The following CLPTM1L variants were observed in gnomAD, a reference collection of about 807,000 sequenced individuals.
CLPTM1L encodes CLPTM1 like, also known as lipid scramblase CLPTM1L.
CLPTM1L carries 38 observed loss-of-function variants against 70.9 expected under a neutral mutation model. The observed-to-expected ratio is 0.54, with a 90% CI of 0.41 to 0.70. The LOEUF (loss-of-function observed/expected upper bound fraction) is 0.70, where lower values mean the gene tolerates loss of function less well. CLPTM1L is among the 30% of genes least tolerant of loss of function. The pLI is 0.00. For synonymous variants in CLPTM1L, 339 were observed against 299.9 expected, an observed-to-expected ratio of 1.13 and a Z score of -1.35; for missense variants, 652 against 705.9, an observed-to-expected ratio of 0.92 and a Z score of 0.87.
chr5:1,335,094 G>A lies in CLPTM1L; in HGVS notation c.759C>T (p.Ile253=), dbSNP rs763163114. 8.7e-6 allele frequency: 14 copies of A among 1,613,468 alleles called. No individual in the cohort carries two copies. The highest frequency in any genetic ancestry group is 1.2e-5 in the Non-Finnish European group (14 of 1,180,028). Reference sequence around the variant, plus strand: ...GGGAGTACACGGCGTCCTGCATGTGGATCCAGAAGCGCAGCCGCCCCAGTG... The same window carrying A: ...GGGAGTACACGGCGTCCTGCATGTGAATCCAGAAGCGCAGCCGCCCCAGTG... ...KVSLGRLRFW[I]HMQDAVYSLQ... The change falls in exon 6 of 17, where the codon ATC becomes ATT. Residue 253 remains isoleucine (I), a synonymous_variant. Coordinates refer to ENST00000320895, the MANE Select transcript of CLPTM1L (RefSeq NM_030782.5).
intron 16 of CLPTM1L, among the ~76,000 whole-genome samples, chr5:1,319,816 C>T (rs1050262936): frequency 1.3e-5 from 2 of 152,168 alleles, no homozygotes; most frequent in African/African-American, 4.8e-5. Context: ...ACTCCTTCGA[C>T]CCCTGGACAA....
rs530575151 is a variant in CLPTM1L at position 1,330,149 on chromosome 5, G to C, written c.1080+131C>G. On this transcript the variant is annotated intron_variant, in intron 9 of 16. Coordinates refer to ENST00000320895, the MANE Select transcript of CLPTM1L (RefSeq NM_030782.5). ...ACTGCCTGCCATCCTACAGCTTCCA[G>C]AACACTGAGGCCATCGGGAACAAGC... 6.0e-4 allele frequency: 448 copies of C among 746,680 alleles called. 2 individuals are homozygous for C. The highest frequency in any genetic ancestry group is 7.0e-5 in the Non-Finnish European group (30 of 428,786). 46.3% of individuals were successfully genotyped at this position (746,680 alleles called of 1,614,324 possible). A position where few individuals can be genotyped will look rare whatever the true frequency, so the allele number is the denominator to read the frequency against.
intron 12 of CLPTM1L, 150 bp downstream of exon 12, chr5:1,323,637 T>C: frequency 3.1e-6 from 2 of 647,336 alleles, no homozygotes; most frequent in Admixed American, 4.6e-5. Context: ...GCCCACCGTG[T>C]GCAGCTGCAG....
intron 9 of CLPTM1L, among the ~76,000 whole-genome samples, chr5:1,326,731 G>C (rs1462099116): frequency 0.1 from 7,506 of 71,908 alleles, 1 homozygote; most frequent in African/African-American, 0.21. Flanking sequence ...CCTCTACGGG[G>C]ACATTTCATC....
chr5:1,333,883 T>C (rs1753367245), intron 7 of CLPTM1L, among the ~76,000 whole-genome samples: 1 of 152,098 alleles, frequency 6.6e-6, no homozygotes, highest in Non-Finnish European at 1.5e-5. Flanking sequence ...ACAAGAGAAC[T>C]ACTTTCTGCT....
intron 2 of CLPTM1L, among the ~76,000 whole-genome samples, chr5:1,343,576 G>T (rs1351591973): frequency 6.6e-6 from 1 of 152,210 alleles, no homozygotes; most frequent in Non-Finnish European, 1.5e-5. Context: ...CGGGCAGCTT[G>T]GTCACCAGCA....
rs778311245 is a variant in CLPTM1L at position 1,338,927 on chromosome 5, C to T, written c.532G>A (p.Val178Met). 8.7e-6 allele frequency: 14 copies of T among 1,613,370 alleles called. No individual in the cohort carries two copies. Among genetic ancestry groups the T allele is most frequent in the Admixed American group, 5.0e-5 (3 of 60,034 alleles). The change falls in exon 4 of 17, where the codon GTG (valine) becomes ATG (methionine). Residue 178 changes from valine (V) to methionine (M), a missense_variant. By Grantham distance (21) the Val-to-Met change is conservative (BLOSUM62 1). Transcript: ENST00000320895. ...TCAAAGACAAAGTTGTCCGCCATCA[C>T]GTTCAGCGCCAGCCGCGGTCGCCAG... ...SHWRPRLALN[V>M]MADNFVFDGS...
chr5:1,321,280 G>A (rs1299846392), intron 15 of CLPTM1L, among the ~76,000 whole-genome samples: 3 of 152,260 alleles, frequency 2.0e-5, no homozygotes, highest in Non-Finnish European at 4.4e-5. Context: ...CGGCCCATGG[G>A]GGCTTCCATT....
At chr5:1,334,444 C>A (rs1753423011) in intron 6 of CLPTM1L, 61 bp from the exon 7 acceptor site, 3 of 1,199,062 alleles carry the variant, frequency 2.5e-6, no homozygotes, top group Non-Finnish European at 3.7e-6. Context: ...CCTAACATTA[C>A]AAATACAGTT....
intron 5 of CLPTM1L, among the ~76,000 whole-genome samples, chr5:1,336,166 C>G (rs549782485): frequency 1.2e-4 from 19 of 152,328 alleles, no homozygotes; most frequent in African/African-American, 4.3e-4. Context: ...AGCTGCCAAG[C>G]GTGTCCGAAG....
Position 1,318,515 on chromosome 5 carries a change from A to G in CLPTM1L, c.1533-62T>C. The G allele has an allele frequency of 7.5e-7, 1 of 1,338,806 alleles. No homozygotes were observed. Among genetic ancestry groups the G allele is most frequent in the Non-Finnish European group, 1.1e-6 (1 of 938,898 alleles). The allele number at this position is 1,338,806 out of a possible 1,614,324, so 82.9% of individuals were successfully genotyped here. A position where few individuals can be genotyped will look rare whatever the true frequency, so the allele number is the denominator to read the frequency against. ...CTGCAGGGGCTATTTTTCTAAGAGG[A>G]GGACTTGGCATCCTCGATTTATTTT... On this transcript the variant is annotated intron_variant, in intron 16 of 16. Coordinates refer to ENST00000320895, the MANE Select transcript of CLPTM1L (RefSeq NM_030782.5). The surrounding 1 kb of genome is among the most constrained non-coding windows in gnomAD (Gnocchi z 8.9).
At chr5:1,341,883 A>G (rs199733587) in intron 2 of CLPTM1L, 23 bp from the exon 3 acceptor site, 2 of 1,578,898 alleles carry the variant, frequency 1.3e-6, no homozygotes, top group Non-Finnish European at 1.7e-6. Context: ...AATCATTTCC[A>G]CTACATACAT....
At chr5:1,330,594 G>A in intron 8 of CLPTM1L, 1 of 547,768 alleles carries the variant, frequency 1.8e-6, no homozygotes, top group Non-Finnish European at 3.3e-6. Flanking sequence ...TGAACAGCTG[G>A]CCCCACACCA....
chr5:1,337,885 G>C lies in CLPTM1L; in HGVS notation c.678+19C>G. 6.4e-7 allele frequency: 1 copy of C among 1,571,330 alleles called. No homozygotes were observed. The highest frequency in any genetic ancestry group is 8.6e-7 in the Non-Finnish European group (1 of 1,158,452). On this transcript the variant is annotated intron_variant, in intron 5 of 16. Coordinates refer to ENST00000320895, the MANE Select transcript of CLPTM1L (RefSeq NM_030782.5). ...GTGTCTCGCCAGCTGCACAACCAGC[G>C]GGCAGAGGTGTCACTCACCATCAGG... is the stretch of plus-strand genomic sequence containing the variant.
chr5:1,334,439 C>T, intron 6 of CLPTM1L, 56 bp from the exon 7 acceptor site: 3 of 1,230,782 alleles, frequency 2.4e-6, no homozygotes, highest in Middle Eastern at 1.9e-4. Flanking sequence ...TCTTACCTAA[C>T]ATTACAAATA....
rs1224936828 is a variant in CLPTM1L at position 1,318,119 on chromosome 5, G to A, written c.*250C>T. On this transcript the variant is annotated 3_prime_UTR_variant, in exon 17 of 17. Coordinates refer to ENST00000320895, the MANE Select transcript of CLPTM1L (RefSeq NM_030782.5). This position sits in a 1 kb window ranked among gnomAD's most constrained non-coding sequence, Gnocchi z 8.9. Reference sequence around the variant, plus strand: ...CCGAACCCCGGACACTCGTGTGCCGGGAGCCACCACAGCTCAAGGTGACCG... The same window carrying A: ...CCGAACCCCGGACACTCGTGTGCCGAGAGCCACCACAGCTCAAGGTGACCG... 2 of 514,608 alleles carry A rather than the reference G, an allele frequency of 3.9e-6. No homozygotes were observed. The highest frequency in any genetic ancestry group is 6.8e-6 in the Non-Finnish European group (2 of 292,704). The allele number at this position is 514,608 out of a possible 1,614,324, so 31.9% of individuals were successfully genotyped here. A position where few individuals can be genotyped will look rare whatever the true frequency, so the allele number is the denominator to read the frequency against.
At chr5:1,334,732 C>A (rs1753447859) in intron 6 of CLPTM1L, among the ~76,000 whole-genome samples, 1 of 151,866 alleles carries the variant, frequency 6.6e-6, no homozygotes, top group South Asian at 2.1e-4. Context: ...CCAGCCTGGG[C>A]AACAGAGCGA....
chr5:1,328,908 C>CACATTTCATCCAGCTCCTCCTCTACAGGG (rs1752863042), intron 9 of CLPTM1L, among the ~76,000 whole-genome samples: 4 of 147,334 alleles, frequency 2.7e-5, no homozygotes, highest in Admixed American at 6.8e-5. Flanking sequence ...CCTCTACAGA[C>CACATTTCATCCAGCTCCTCCTCTACAGGG]ACATTTCATC....
At chr5:1,327,481 C>T (rs536360988) in intron 9 of CLPTM1L, among the ~76,000 whole-genome samples, 2 of 149,066 alleles carry the variant, frequency 1.3e-5, no homozygotes, top group Non-Finnish European at 3.0e-5. Context: ...TCCTCCTCTA[C>T]AGGGACATTT....
Sources: allele counts gnomAD v4.1 joint callset (sites outside exome capture counted in the v4.1 genomes callset), GRCh38; gene constraint gnomAD v4.1.1; non-coding constraint Gnocchi (gnomAD v3.1); transcripts MANE v1.5; gene names NCBI Gene and HGNC (gene_info 2026-07-23, HGNC 2026-07-21).